SGCZ: variants seen among roughly 807,000 people sequenced by gnomAD.
The protein encoded by SGCZ is sarcoglycan zeta, also known as zeta-sarcoglycan.
Under a neutral mutation model 41.3 loss-of-function variants are expected in SGCZ, and 40 were observed. The observed-to-expected ratio is 0.97, with a 90% confidence interval of 0.75 to 1.26. The LOEUF is 1.26. SGCZ is among the 50% of genes most tolerant of loss of function. The pLI, the probability that SGCZ is intolerant of heterozygous loss-of-function variation, is 0.00. For missense variants in SGCZ, 552 were observed against 369.8 expected (o/e 1.49, Z -4.04); for synonymous variants, 206 against 137.5 (o/e 1.50, Z -3.49).
chr8:14,335,231 T>C (rs144610571), intron 2 of SGCZ, among the ~76,000 whole-genome samples: 2 of 152,262 alleles, frequency 1.3e-5, no homozygotes, highest in African/African-American at 4.8e-5. Flanking sequence ...AGAAGTCCCT[T>C]GGAGTTTTAG....
chr8:15,062,409 G>A (rs568319927), intron 1 of SGCZ, among the ~76,000 whole-genome samples: 3 of 152,074 alleles, frequency 2.0e-5, no homozygotes, highest in Middle Eastern at 3.4e-3. Context: ...GTAGGTTTTC[G>A]TCTGTCTGTA....
At chr8:15,010,908 C>G (rs115166969) in intron 1 of SGCZ, among the ~76,000 whole-genome samples, 5 of 152,186 alleles carry the variant, frequency 3.3e-5, no homozygotes, top group Admixed American at 2.0e-4. Flanking sequence ...ATCCTTCAAA[C>G]TTTAGATCCC....
intron 2 of SGCZ, among the ~76,000 whole-genome samples, chr8:14,390,331 AC>A (rs1333451624): frequency 2.0e-5 from 3 of 151,168 alleles, no homozygotes; most frequent in African/African-American, 7.4e-5. Context: ...TAAAATACGT[AC>A]TATATTTACA....
At chr8:14,587,436 C>A (rs538155080) in intron 1 of SGCZ, among the ~76,000 whole-genome samples, 1 of 150,702 alleles carries the variant, frequency 6.6e-6, no homozygotes, top group Non-Finnish European at 1.5e-5. Context: ...CTTTGGGAGA[C>A]GAAGGCAGGA....
At chr8:15,004,858 C>T (rs999156374) in intron 1 of SGCZ, among the ~76,000 whole-genome samples, 2 of 152,190 alleles carry the variant, frequency 1.3e-5, no homozygotes, top group Non-Finnish European at 2.9e-5. Context: ...GTGTTTATCG[C>T]AATGAACTGA....
chr8:14,728,058 C>T (rs796729903), intron 1 of SGCZ, among the ~76,000 whole-genome samples: 4 of 151,998 alleles, frequency 2.6e-5, no homozygotes, highest in Non-Finnish European at 5.9e-5. Context: ...AATGTATCTA[C>T]GGTGATAAAA....
intron 2 of SGCZ, among the ~76,000 whole-genome samples, chr8:14,421,245 T>C (rs1031449520): frequency 2.0e-5 from 3 of 152,090 alleles, no homozygotes; most frequent in African/African-American, 4.8e-5. Flanking sequence ...TCTTTCCTTC[T>C]CCTGCCACAC....
intron 1 of SGCZ, among the ~76,000 whole-genome samples, chr8:14,811,366 T>C (rs1801732277): frequency 6.6e-6 from 1 of 151,818 alleles, no homozygotes; most frequent in Non-Finnish European, 1.5e-5. Flanking sequence ...TGTAGTGCTT[T>C]AATAAAGTTA....
At chr8:14,754,550 C>T (rs1019238749) in intron 1 of SGCZ, among the ~76,000 whole-genome samples, 2 of 152,096 alleles carry the variant, frequency 1.3e-5, no homozygotes, top group South Asian at 4.1e-4. Context: ...TTATAGGAAT[C>T]CAGAATAGTG....
intron 1 of SGCZ, among the ~76,000 whole-genome samples, chr8:15,236,234 TC>T (rs139660809): frequency 0.025 from 3,743 of 152,294 alleles, 151 homozygotes; most frequent in African/African-American, 0.086. Context: ...GCCACTGTTC[TC>T]TGTCCCTCCT....
intron 1 of SGCZ, among the ~76,000 whole-genome samples, chr8:14,633,488 G>A (rs957767336): frequency 6.6e-6 from 1 of 151,744 alleles, no homozygotes; most frequent in African/African-American, 2.4e-5. Context: ...ACATTCTTAA[G>A]CAAAATCATT....
chr8:14,678,769 TG>T (rs1440574146), intron 1 of SGCZ, among the ~76,000 whole-genome samples: 5 of 152,196 alleles, frequency 3.3e-5, no homozygotes, highest in Non-Finnish European at 5.9e-5. Context: ...TGAAAAAACT[TG>T]GAAGCAACCA....
chr8:14,266,490 G>T (rs1338415678), intron 3 of SGCZ, among the ~76,000 whole-genome samples: 1 of 152,106 alleles, frequency 6.6e-6, no homozygotes, highest in South Asian at 2.1e-4. Flanking sequence ...AATTAGCCAG[G>T]TAGGGACCCA....
rs1362660292 is a variant in SGCZ, at chr8:14,711,530, A to T, written c.40-156604T>A. Among the ~76,000 whole-genome samples, 3 of 142,894 alleles carry T rather than the reference A, an allele frequency of 2.1e-5. No homozygotes were observed. The East Asian group carries it at 6.7e-4, about 32-fold the overall frequency. 93.7% of individuals were successfully genotyped at this position (142,894 alleles called of 152,430 possible). On this transcript the variant is annotated intron_variant, in intron 1 of 7. Transcript: ENST00000382080. ...CGCAGGAGAATTGCTTGAATCCAGG[A>T]GGCAGAGGTTGTAGTGAGCCAAGAT...
At chr8:14,864,590 T>C (rs1006687393) in intron 1 of SGCZ, among the ~76,000 whole-genome samples, 1 of 152,134 alleles carries the variant, frequency 6.6e-6, no homozygotes, top group African/African-American at 2.4e-5. Flanking sequence ...ATTTAGATTG[T>C]TTGTTTGTAG....
chr8:14,898,613 A>C (rs1331746738), intron 1 of SGCZ, among the ~76,000 whole-genome samples: 1 of 152,178 alleles, frequency 6.6e-6, no homozygotes, highest in East Asian at 1.9e-4. Context: ...ATAGAAGTGA[A>C]AAGATTTGAG....
At chr8:14,488,952 G>GA (rs1297195982) in intron 2 of SGCZ, among the ~76,000 whole-genome samples, 3 of 132,462 alleles carry the variant, frequency 2.3e-5, no homozygotes, top group African/African-American at 2.8e-5. Flanking sequence ...GTATCTAAAA[G>GA]AAAAAAATTC....
At chr8:14,519,614 A>C (rs2117097049) in intron 2 of SGCZ, among the ~76,000 whole-genome samples, 1 of 152,242 alleles carries the variant, frequency 6.6e-6, no homozygotes, top group Admixed American at 6.5e-5. Context: ...GAATCAATGA[A>C]GAATGGAAGA....
intron 1 of SGCZ, among the ~76,000 whole-genome samples, chr8:15,002,074 G>A (rs1183598106): frequency 2.0e-5 from 3 of 152,040 alleles, no homozygotes; most frequent in East Asian, 1.9e-4. Context: ...GAGTTGCCGT[G>A]AAAATGGCAG....
Sources: gnomAD v4.1 joint callset for allele counts (sites outside exome capture counted in the v4.1 genomes callset) on GRCh38, gnomAD v4.1.1 for gene constraint, MANE v1.5 for transcripts, NCBI Gene and HGNC (gene_info 2026-07-23, HGNC 2026-07-21) for gene names.